Variants in ARHGAP24 observed in about 807,000 individuals in gnomAD.
ARHGAP24 encodes the protein rho GTPase-activating protein 24.
Under a neutral mutation model 76.4 loss-of-function variants are expected in ARHGAP24, and 50 were observed. The observed-to-expected ratio is 0.65, with a 90% CI of 0.52 to 0.83. The LOEUF (loss-of-function observed/expected upper bound fraction) is 0.83. Among genes scored for constraint, ARHGAP24 ranks in the 40% least tolerant of loss-of-function variants. The pLI, the probability that ARHGAP24 is intolerant of heterozygous loss-of-function variation, is 0.00. For synonymous variants in ARHGAP24, 345 were observed against 323.3 expected (o/e 1.07, Z -0.72); for missense variants, 930 against 914.2 (o/e 1.02, Z -0.22).
At chr4:85,930,208 C>A (rs1289350224) in intron 4 of ARHGAP24, 2 of 979,482 alleles carry the variant, frequency 2.0e-6, no homozygotes, top group East Asian at 2.3e-4. Flanking sequence ...AAAGCTGCCT[C>A]CCCCCACAGA....
chr4:85,959,901 T>C (rs901968454), intron 5 of ARHGAP24, among the ~76,000 whole-genome samples: 1 of 152,194 alleles, frequency 6.6e-6, no homozygotes, highest in African/African-American at 2.4e-5. Flanking sequence ...AATTTCCAAG[T>C]GACTAGTGAT....
At chr4:85,933,793 T>C (rs1330339167) in intron 4 of ARHGAP24, among the ~76,000 whole-genome samples, 2 of 152,172 alleles carry the variant, frequency 1.3e-5, no homozygotes, top group Admixed American at 1.3e-4. Context: ...CTAGATTCCT[T>C]GATTGTTGTG....
intron 1 of ARHGAP24, among the ~76,000 whole-genome samples, chr4:85,516,786 C>T (rs1331811639): frequency 7.2e-5 from 11 of 151,894 alleles, no homozygotes; most frequent in Admixed American, 4.6e-4. Context: ...CCTCCCTGCC[C>T]CCAACTTTTA....
At chr4:85,849,928 G>A (rs1731123259) in intron 3 of ARHGAP24, among the ~76,000 whole-genome samples, 1 of 152,040 alleles carries the variant, frequency 6.6e-6, no homozygotes, top group African/African-American at 2.4e-5. Context: ...TTGTTTCTCT[G>A]CCAGACTTTG....
chr4:85,961,402 T>C (rs1393247666), intron 5 of ARHGAP24, among the ~76,000 whole-genome samples: 1 of 152,204 alleles, frequency 6.6e-6, no homozygotes, highest in Non-Finnish European at 1.5e-5. Context: ...CCTCTTACAC[T>C]ATGAGTTAGA....
At chr4:85,555,100 C>G (rs760531793) in intron 1 of ARHGAP24, among the ~76,000 whole-genome samples, 5 of 152,180 alleles carry the variant, frequency 3.3e-5, no homozygotes, top group Non-Finnish European at 7.3e-5. Flanking sequence ...TCGTTCCTAT[C>G]CATATTCTGA....
chr4:85,795,436 A>G (rs1728303585), intron 3 of ARHGAP24, among the ~76,000 whole-genome samples: 1 of 152,152 alleles, frequency 6.6e-6, no homozygotes, highest in South Asian at 2.1e-4. Flanking sequence ...GTTTTAAAAT[A>G]TTATTGATCT....
At chr4:85,790,192 T>C (rs1294713677) in intron 3 of ARHGAP24, among the ~76,000 whole-genome samples, 2 of 152,154 alleles carry the variant, frequency 1.3e-5, no homozygotes, top group Admixed American at 6.5e-5. Context: ...AAGCACTGCT[T>C]TAAGTCATCT....
chr4:85,589,098 C>T (rs907182011), intron 2 of ARHGAP24, among the ~76,000 whole-genome samples: 5 of 152,202 alleles, frequency 3.3e-5, no homozygotes, highest in Non-Finnish European at 1.5e-5. Context: ...AACTTCACCA[C>T]CTCCTTATAG....
chr4:85,933,468 C>T (rs189859265), intron 4 of ARHGAP24, among the ~76,000 whole-genome samples: 49 of 152,198 alleles, frequency 3.2e-4, no homozygotes, highest in Non-Finnish European at 6.9e-4. Context: ...TTCCAGACCT[C>T]TTCTGTCCTT....
intron 3 of ARHGAP24, among the ~76,000 whole-genome samples, chr4:85,901,420 A>T (rs899899851): frequency 3.9e-5 from 6 of 152,166 alleles, no homozygotes. Context: ...ACCATAAGAA[A>T]TGTCATCTCT....
At chr4:85,942,031 A>C (rs1024310812) in intron 4 of ARHGAP24, 35 bp from the exon 5 acceptor site, 2 of 1,599,886 alleles carry the variant, frequency 1.3e-6, no homozygotes, top group African/African-American at 2.7e-5. Flanking sequence ...GAAGAGATAA[A>C]TTTCCCAAGT....
chr4:85,807,738 C>T (rs565830956), intron 3 of ARHGAP24, among the ~76,000 whole-genome samples: 4 of 152,284 alleles, frequency 2.6e-5, no homozygotes, highest in Non-Finnish European at 4.4e-5. Flanking sequence ...AGCCCAGAGG[C>T]GCAGGGGCTG....
intron 3 of ARHGAP24, among the ~76,000 whole-genome samples, chr4:85,857,682 G>A (rs947026011): frequency 3.0e-4 from 46 of 152,136 alleles, no homozygotes; most frequent in African/African-American, 1.1e-3. Flanking sequence ...CTCTCAGACT[G>A]ATAGAGACAG....
intron 1 of ARHGAP24, among the ~76,000 whole-genome samples, chr4:85,547,544 T>G (rs1725965151): frequency 6.6e-6 from 1 of 152,272 alleles, no homozygotes; most frequent in African/African-American, 2.4e-5. Context: ...CAGATGATTT[T>G]CCCACCTCAG....
intron 3 of ARHGAP24, among the ~76,000 whole-genome samples, chr4:85,833,731 T>C (rs1168368108): frequency 6.6e-6 from 1 of 152,188 alleles, no homozygotes; most frequent in African/African-American, 2.4e-5. Context: ...TAGTAGAAAC[T>C]TGGAAGGTAC....
At chr4:85,627,286 C>G (rs1720992388) in intron 2 of ARHGAP24, among the ~76,000 whole-genome samples, 1 of 152,166 alleles carries the variant, frequency 6.6e-6, no homozygotes, top group Non-Finnish European at 1.5e-5. Context: ...AGTTTTCCTT[C>G]TAACAGACAG....
At chr4:85,571,038 C>A in intron 2 of ARHGAP24, 2 of 225,624 alleles carry the variant, frequency 8.9e-6, no homozygotes, top group South Asian at 8.3e-5. Context: ...ATATCATAGC[C>A]AAAACATCTT....
intron 1 of ARHGAP24, among the ~76,000 whole-genome samples, chr4:85,524,074 T>G (rs1724889951): frequency 6.6e-6 from 1 of 152,132 alleles, no homozygotes; most frequent in Admixed American, 6.5e-5. Context: ...GGAGACTGAA[T>G]AATTTTTCAG....
Sources: allele counts gnomAD v4.1 joint callset (sites outside exome capture counted in the v4.1 genomes callset), GRCh38; gene constraint gnomAD v4.1.1; transcripts MANE v1.5; gene names NCBI Gene and HGNC (gene_info 2026-07-23, HGNC 2026-07-21).